ROBO2: variants seen among roughly 807,000 people sequenced by gnomAD.
The protein encoded by ROBO2 is roundabout homolog 2.
ROBO2 carries 53 observed loss-of-function variants against 160.8 expected under a neutral mutation model. That is an observed-to-expected ratio of 0.33 (90% CI 0.26 to 0.41). The LOEUF (loss-of-function observed/expected upper bound fraction) is 0.41. Among genes scored for constraint, ROBO2 ranks in the 10% least tolerant of loss-of-function variants. ROBO2 has a pLI of 1.00. For synonymous variants in ROBO2, 664 were observed against 611.7 expected, an observed-to-expected ratio of 1.09 and a Z score of -1.26; for missense variants, 1,577 against 1,722.4, an observed-to-expected ratio of 0.92 and a Z score of 1.49.
chr3:77,342,287 G>T (rs1301871366), intron 2 of ROBO2, among the ~76,000 whole-genome samples: 1 of 152,068 alleles, frequency 6.6e-6, no homozygotes, highest in Non-Finnish European at 1.5e-5. Context: ...GTGTGTAAAA[G>T]AAAATGAAAG....
chr3:75,952,351 A>G (rs1031073157), intron 2 of ROBO2, among the ~76,000 whole-genome samples: 4 of 152,008 alleles, frequency 2.6e-5, no homozygotes, highest in African/African-American at 9.7e-5. Flanking sequence ...GCTTTATAAC[A>G]TAAAGAATGA....
chr3:77,648,668 C>T (rs1356644040), exon 26 of ROBO2: 1 of 152,112 alleles, frequency 6.6e-6, no homozygotes, highest in Non-Finnish European at 1.5e-5. Flanking sequence ...AATTCAGAAA[C>T]ATTACTGGAA....
At chr3:77,324,356 A>T (rs889704768) in intron 2 of ROBO2, among the ~76,000 whole-genome samples, 15 of 152,332 alleles carry the variant, frequency 9.8e-5, no homozygotes, top group Admixed American at 7.8e-4. Context: ...TGCATCTGTG[A>T]GTAATGCTAC....
At chr3:76,233,333 G>C (rs1460305010) in intron 2 of ROBO2, among the ~76,000 whole-genome samples, 2 of 151,918 alleles carry the variant, frequency 1.3e-5, no homozygotes, top group Non-Finnish European at 2.9e-5. Context: ...TAGTAGAGAT[G>C]GGGTTTCACC....
At chr3:76,707,239 C>T (rs760535604) in intron 2 of ROBO2, among the ~76,000 whole-genome samples, 11 of 151,940 alleles carry the variant, frequency 7.2e-5, no homozygotes, top group Non-Finnish European at 1.0e-4. Flanking sequence ...AAAGAAACAC[C>T]GCACTAATCT....
rs956933621 is a variant in ROBO2 at position 76,366,257 on chromosome 3, C to A, written c.109+428655C>A. Among the ~76,000 whole-genome samples, 8 of 152,134 alleles carry A rather than the reference C, an allele frequency of 5.3e-5. No individual in the cohort carries two copies. The South Asian group carries it at 1.7e-3, about 32-fold the overall frequency. Reference sequence around the variant, plus strand: ...GGAATACTCCTCTTCCTAGAACCATCATACCAATACCCTTTACCCTGCTCT... The same window carrying A: ...GGAATACTCCTCTTCCTAGAACCATAATACCAATACCCTTTACCCTGCTCT... On this transcript the variant is annotated intron_variant, in intron 2 of 26. Coordinates refer to the ROBO2 transcript ENST00000487694.
At chr3:77,226,273 C>T (rs1300601463) in intron 2 of ROBO2, among the ~76,000 whole-genome samples, 1 of 151,490 alleles carries the variant, frequency 6.6e-6, no homozygotes, top group Non-Finnish European at 1.5e-5. Flanking sequence ...CTATATGGAC[C>T]GTTGTACGTG....
At chr3:77,310,691 G>T (rs557864315) in intron 2 of ROBO2, among the ~76,000 whole-genome samples, 1 of 151,998 alleles carries the variant, frequency 6.6e-6, no homozygotes, top group South Asian at 2.1e-4. Flanking sequence ...TAAGATTCAA[G>T]CCTTTTTTTT....
chr3:76,487,502 C>A (rs772150657), intron 2 of ROBO2, among the ~76,000 whole-genome samples: 4 of 152,110 alleles, frequency 2.6e-5, no homozygotes, highest in Non-Finnish European at 5.9e-5. Flanking sequence ...TTTAGTAAAA[C>A]TTCTCAAATG....
chr3:77,453,706 A>T (rs2081338387), intron 2 of ROBO2, among the ~76,000 whole-genome samples: 1 of 152,046 alleles, frequency 6.6e-6, no homozygotes, highest in African/African-American at 2.4e-5. Context: ...GTTTAGTCCT[A>T]GTTTTTGTTA....
At chr3:76,814,693 T>C (rs2065507532) in intron 2 of ROBO2, among the ~76,000 whole-genome samples, 1 of 152,080 alleles carries the variant, frequency 6.6e-6, no homozygotes, top group Non-Finnish European at 1.5e-5. Flanking sequence ...GAGATAGGTC[T>C]GTAAACCATG....
At chr3:76,137,675 C>G (rs900016698) in intron 2 of ROBO2, among the ~76,000 whole-genome samples, 6 of 151,524 alleles carry the variant, frequency 4.0e-5, no homozygotes, top group Non-Finnish European at 4.4e-5. Flanking sequence ...AGTTGCTCTT[C>G]TTTCTGGAGA....
chr3:75,940,765 T>G (rs1326055359), intron 2 of ROBO2, among the ~76,000 whole-genome samples: 1 of 152,122 alleles, frequency 6.6e-6, no homozygotes, highest in Non-Finnish European at 1.5e-5. Context: ...TTTGGGAGAA[T>G]CTAGATAAAA....
At chr3:76,269,892 CT>C (rs1392177473) in intron 2 of ROBO2, among the ~76,000 whole-genome samples, 2 of 151,932 alleles carry the variant, frequency 1.3e-5, no homozygotes, top group Admixed American at 1.3e-4. Flanking sequence ...AAGGATGGAT[CT>C]TTGCTTTTCT....
chr3:76,780,195 T>TTTTG (rs1208772426), intron 2 of ROBO2, among the ~76,000 whole-genome samples: 1 of 150,816 alleles, frequency 6.6e-6, no homozygotes, highest in Non-Finnish European at 1.5e-5. Context: ...ACAGTTTTTT[T>TTTTG]TTTGTTTGTT....
chr3:77,163,151 G>A (rs2078649132), intron 2 of ROBO2, among the ~76,000 whole-genome samples: 1 of 152,028 alleles, frequency 6.6e-6, no homozygotes, highest in African/African-American at 2.4e-5. Flanking sequence ...TATTACTTTT[G>A]AGTTTTCAAT....
intron 21 of ROBO2, among the ~76,000 whole-genome samples, chr3:77,614,731 A>AACCAACCG (rs1559731271): frequency 6.7e-6 from 1 of 150,076 alleles, no homozygotes; most frequent in Non-Finnish European, 1.5e-5. Flanking sequence ...AAAACCAACC[A>AACCAACCG]ACCAACCAAC....
At chr3:76,674,920 C>A (rs2092368524) in intron 2 of ROBO2, among the ~76,000 whole-genome samples, 1 of 150,058 alleles carries the variant, frequency 6.7e-6, no homozygotes, top group African/African-American at 2.5e-5. Flanking sequence ...GAAAAAGCAG[C>A]AAAAAAAAAC....
At chr3:76,024,799 G>T (rs747645299) in intron 2 of ROBO2, among the ~76,000 whole-genome samples, 14 of 151,434 alleles carry the variant, frequency 9.2e-5, no homozygotes, top group Non-Finnish European at 1.8e-4. Flanking sequence ...TTTCCTCTTT[G>T]TATTGGTGAA....
Sources: gnomAD v4.1 joint callset for allele counts (sites outside exome capture counted in the v4.1 genomes callset) on GRCh38, gnomAD v4.1.1 for gene constraint, MANE v1.5 for transcripts, NCBI Gene and HGNC (gene_info 2026-07-23, HGNC 2026-07-21) for gene names.